The following ZFHX3 variants were observed in gnomAD, a reference collection of about 807,000 sequenced individuals.
The protein encoded by ZFHX3 is zinc finger homeobox 3.
Under a neutral mutation model 279.1 loss-of-function variants are expected in ZFHX3, and 42 were observed. The observed-to-expected ratio is 0.15, with a 90% CI of 0.12 to 0.19. The LOEUF is 0.19. Among genes scored for constraint, ZFHX3 ranks in the 10% least tolerant of loss-of-function variants. The pLI is 1.00. For synonymous variants in ZFHX3, 2,293 were observed against 1,957.8 expected, an observed-to-expected ratio of 1.17 and a Z score of -4.52; for missense variants, 4,981 against 4,754.0, an observed-to-expected ratio of 1.05 and a Z score of -1.40.
chr16:73,125,948 G>A (rs1372411851), intron 7 of ZFHX3, among the ~76,000 whole-genome samples: 1 of 152,122 alleles, frequency 6.6e-6, no homozygotes, highest in Admixed American at 6.6e-5. Context: ...ACTCAGTCAA[G>A]GTCATACAGT....
intron 4 of ZFHX3, among the ~76,000 whole-genome samples, chr16:72,867,918 G>A (rs1426299389): frequency 6.6e-6 from 1 of 152,116 alleles, no homozygotes; most frequent in East Asian, 1.9e-4. Context: ...ATCAAGAGCC[G>A]CACAGAGTCT....
intron 3 of ZFHX3, among the ~76,000 whole-genome samples, chr16:73,328,206 T>C (rs781687254): frequency 6.6e-6 from 1 of 152,222 alleles, no homozygotes; most frequent in African/African-American, 2.4e-5. Context: ...TCAACTGATG[T>C]TACCAGATCT....
chr16:73,708,085 G>GGC (rs2053323227), intron 1 of ZFHX3, among the ~76,000 whole-genome samples: 1 of 148,988 alleles, frequency 6.7e-6, no homozygotes, highest in South Asian at 2.2e-4. Flanking sequence ...GTGGTGGGGG[G>GGC]GGGAAGTATT....
intron 2 of ZFHX3, among the ~76,000 whole-genome samples, chr16:73,568,549 A>G (rs1274971895): frequency 1.3e-5 from 2 of 152,142 alleles, no homozygotes; most frequent in Non-Finnish European, 2.9e-5. Context: ...GATGAAATCA[A>G]CCCGTGTGGA....
At chr16:73,858,563 C>T (rs1382432214) in intron 1 of ZFHX3, among the ~76,000 whole-genome samples, 1 of 152,222 alleles carries the variant, frequency 6.6e-6, no homozygotes, top group Non-Finnish European at 1.5e-5. Flanking sequence ...TATTGCCACA[C>T]ATTGTCTCAT....
At chr16:73,078,153 G>A (rs1223758946) in intron 8 of ZFHX3, among the ~76,000 whole-genome samples, 1 of 152,166 alleles carries the variant, frequency 6.6e-6, no homozygotes, top group Non-Finnish European at 1.5e-5. Context: ...AGGCAGCAAA[G>A]GAGAAAGACA....
intron 3 of ZFHX3, among the ~76,000 whole-genome samples, chr16:73,404,851 C>T (rs1029698348): frequency 1.3e-5 from 2 of 152,156 alleles, no homozygotes; most frequent in African/African-American, 2.4e-5. Context: ...AAGGCCCATT[C>T]GAAGCACTTT....
At position 73,105,436 on chromosome 16, in the gene ZFHX3, C is replaced by CACACACATATATATATATAT. The variant is rs1567389916; in HGVS notation, c.-896-11839_-896-11838insATATATATATATATGTGTGT. Among the ~76,000 whole-genome samples, 6 of 83,950 alleles carry CACACACATATATATATATAT rather than the reference C, an allele frequency of 7.1e-5. No homozygotes were observed. In the South Asian group the frequency reaches 1.1e-3, roughly 15 times the overall value. 55.1% of individuals were successfully genotyped at this position (83,950 alleles called of 152,430 possible). A position where few individuals can be genotyped will look rare whatever the true frequency, so the allele number is the denominator to read the frequency against. On this transcript the variant is annotated intron_variant, in intron 7 of 17. Transcript: ENST00000641206. ...ACACACACATATATATATATATACACACACACACATATATATATATATTTT... is the reference window on the plus strand; with the variant it reads ...ACACACACATATATATATATATACACACACACATATATATATATATACACACACATATATATATATATTTT...
intron 1 of ZFHX3, among the ~76,000 whole-genome samples, chr16:73,021,941 G>C (rs1964314452): frequency 6.6e-6 from 1 of 151,896 alleles, no homozygotes; most frequent in African/African-American, 2.4e-5. Flanking sequence ...GCAGAGGCTG[G>C]AGTGACACAG....
At chr16:73,562,203 A>G (rs1328164749) in intron 2 of ZFHX3, among the ~76,000 whole-genome samples, 1 of 152,134 alleles carries the variant, frequency 6.6e-6, no homozygotes, top group Non-Finnish European at 1.5e-5. Flanking sequence ...TACCCTAGGA[A>G]TTTCTCTGTC....
rs1344793680 is a variant in ZFHX3, at chr16:73,346,178, C to T, written c.-1290-27842G>A. Among the ~76,000 whole-genome samples the T allele has an allele frequency of 4.6e-5, 7 of 152,232 alleles. No homozygotes were observed. The South Asian group carries it at 6.2e-4, about 14-fold the overall frequency. Reference sequence around the variant, plus strand: ...CCAACTCAATATCACATTCAGATGCCCAGACAAAGTGTGATGATCCAATGG... The same window carrying T: ...CCAACTCAATATCACATTCAGATGCTCAGACAAAGTGTGATGATCCAATGG... On this transcript the variant is annotated intron_variant, in intron 3 of 17. Transcript: ENST00000641206.
intron 4 of ZFHX3, among the ~76,000 whole-genome samples, chr16:73,314,252 C>T (rs1402023274): frequency 6.6e-6 from 1 of 152,160 alleles, no homozygotes; most frequent in Non-Finnish European, 1.5e-5. Flanking sequence ...ACTTCGTCTG[C>T]ACTATCAGCA....
chr16:73,136,373 G>A (rs1966792764), intron 6 of ZFHX3, among the ~76,000 whole-genome samples: 1 of 152,142 alleles, frequency 6.6e-6, no homozygotes. Context: ...TTCCCAAAGA[G>A]CTTCATTCTA....
At chr16:73,725,532 T>TGA (rs1555535244) in intron 1 of ZFHX3, among the ~76,000 whole-genome samples, 7 of 147,642 alleles carry the variant, frequency 4.7e-5, no homozygotes, top group Non-Finnish European at 7.5e-5. Flanking sequence ...AGAGTGTGAG[T>TGA]GTGAGTGAGT....
At chr16:73,702,906 G>A (rs2053264122) in intron 1 of ZFHX3, among the ~76,000 whole-genome samples, 1 of 152,126 alleles carries the variant, frequency 6.6e-6, no homozygotes, top group Non-Finnish European at 1.5e-5. Flanking sequence ...TTCAAGTGAT[G>A]GTGAAATGAA....
intron 3 of ZFHX3, among the ~76,000 whole-genome samples, chr16:73,418,007 A>AG (rs1260895473): frequency 4.0e-5 from 6 of 150,478 alleles, no homozygotes; most frequent in African/African-American, 1.2e-4. Context: ...AAAAAAAAAA[A>AG]AAAAAGGAAA....
intron 3 of ZFHX3, among the ~76,000 whole-genome samples, chr16:73,333,848 G>C (rs1221661371): frequency 7.4e-6 from 1 of 134,426 alleles, no homozygotes. Flanking sequence ...CCCTTCACAA[G>C]ACAGAAGGTA....
intron 4 of ZFHX3, among the ~76,000 whole-genome samples, chr16:73,292,722 G>T (rs1204767411): frequency 6.6e-6 from 1 of 152,136 alleles, no homozygotes; most frequent in African/African-American, 2.4e-5. Flanking sequence ...GCATAAGAAG[G>T]GGATGGGGTT....
intron 1 of ZFHX3, among the ~76,000 whole-genome samples, chr16:73,040,808 G>A (rs771720872): frequency 2.0e-5 from 3 of 152,240 alleles, no homozygotes; most frequent in Non-Finnish European, 2.9e-5. Context: ...AGTATGTGAA[G>A]TGGTATGAAG....
Sources: gnomAD v4.1 joint callset for allele counts (sites outside exome capture counted in the v4.1 genomes callset) on GRCh38, gnomAD v4.1.1 for gene constraint, MANE v1.5 for transcripts, NCBI Gene and HGNC (gene_info 2026-07-23, HGNC 2026-07-21) for gene names.